The following POM121 variants were observed in gnomAD, a reference collection of about 807,000 sequenced individuals.
POM121 encodes nuclear envelope pore membrane protein POM 121.
In POM121, 32 loss-of-function variants were observed where a neutral mutation model predicts 81.3. That is an observed-to-expected ratio of 0.39 (90% CI 0.30 to 0.53). The LOEUF is 0.53. Among genes scored for constraint, POM121 ranks in the 20% least tolerant of loss-of-function variants. The pLI is 0.66. For synonymous variants in POM121, 514 were observed against 694.2 expected (o/e 0.74, Z 4.08); for missense variants, 1,138 against 1,614.6 (o/e 0.70, Z 5.06).
At chr7:72,949,009 C>T (rs148249665), downstream of POM121, 427 of 1,611,596 alleles carry the variant, frequency 2.6e-4, 11 homozygotes, top group African/African-American at 5.0e-3. Flanking sequence ...GAGCGCGTGG[C>T]ACAGGGCTCG....
At chr7:72,903,854 T>G (rs1792957734) in intron 3 of POM121, among the ~76,000 whole-genome samples, 2 of 152,228 alleles carry the variant, frequency 1.3e-5, no homozygotes, top group Admixed American at 1.3e-4. Flanking sequence ...CGATCTCGGC[T>G]CACTGCAGCC....
chr7:72,882,227 A>T (rs545424583), intron 1 of POM121, among the ~76,000 whole-genome samples: 3 of 152,330 alleles, frequency 2.0e-5, no homozygotes, highest in Admixed American at 6.5e-5. Context: ...CATAGGAAGC[A>T]TGGCTGAGGG....
At chr7:72,924,916 C>A (rs1554496703), upstream of POM121, 11 of 883,616 alleles carry the variant, frequency 1.2e-5, no homozygotes, top group East Asian at 3.4e-4. Context: ...ATGGATGTGG[C>A]GCTGGGAGCC....
upstream of POM121, among the ~76,000 whole-genome samples, chr7:72,924,150 G>T (rs1554496565): frequency 1.4e-5 from 2 of 147,730 alleles, no homozygotes; most frequent in Non-Finnish European, 3.0e-5. Flanking sequence ...GTTTCACCAT[G>T]TTAGCCAGGA....
rs1362304198 is a variant in POM121 at position 72,891,074 on chromosome 7, A to G, written c.-252A>G. 4.7e-6 allele frequency: 5 copies of G among 1,069,470 alleles called. No individual in the cohort carries two copies. The African/African-American group carries it at 4.7e-5, about 10-fold the overall frequency. The allele number at this position is 1,069,470 out of a possible 1,614,324, so 66.2% of individuals were successfully genotyped here. A position where few individuals can be genotyped will look rare whatever the true frequency, so the allele number is the denominator to read the frequency against. On this transcript the variant is annotated 5_prime_UTR_variant, in exon 3 of 16. Coordinates refer to the POM121 transcript ENST00000395270. ...GTTGGAGCAGGGAGAGGAGCTGTGG[A>G]TAACGGGAGGTGAATTTCCATGTCA...
At position 72,946,566 on chromosome 7, in the gene POM121, C is replaced by T; in HGVS notation, c.*332C>T. 5.7e-6 allele frequency: 6 copies of T among 1,060,150 alleles called. No homozygotes were observed. Among genetic ancestry groups the T allele is most frequent in the Non-Finnish European group, 6.8e-6 (6 of 878,560 alleles). The allele number at this position is 1,060,150 out of a possible 1,614,324, so 65.7% of individuals were successfully genotyped here. ...GCACACCCTTAGGCAGGCGCCCCTT[C>T]CACCTTTCCCCGAGACCGTCGTCGC... On this transcript the variant is annotated 3_prime_UTR_variant, in exon 13 of 13. Transcript: ENST00000434423.
At chr7:72,882,720 G>A (rs1554489474) in intron 1 of POM121, among the ~76,000 whole-genome samples, 1 of 152,074 alleles carries the variant, frequency 6.6e-6, no homozygotes, top group African/African-American at 2.4e-5. Flanking sequence ...CTTTTTGTTC[G>A]GGTTGCACAG....
chr7:72,928,585 C>T (rs1236328244), intron 4 of POM121, 120 bp downstream of exon 4: 3 of 1,238,006 alleles, frequency 2.4e-6, no homozygotes, highest in African/African-American at 3.0e-5. Flanking sequence ...AGGTTCACGT[C>T]TTTGAAATTA....
intron 4 of POM121, among the ~76,000 whole-genome samples, chr7:72,914,410 A>G (rs1794097623): frequency 6.6e-6 from 1 of 151,418 alleles, no homozygotes; most frequent in African/African-American, 2.4e-5. Context: ...TTTTGCCACT[A>G]TGTTTTGGAT....
chr7:72,944,932 G>A (rs1554502810), intron 11 of POM121, among the ~76,000 whole-genome samples: 1 of 152,142 alleles, frequency 6.6e-6, no homozygotes, highest in East Asian at 1.9e-4. Context: ...GGAGTGACCT[G>A]GCAGTTGACA....
At chr7:72,909,280 T>C (rs1348601310) in intron 3 of POM121, among the ~76,000 whole-genome samples, 1 of 152,206 alleles carries the variant, frequency 6.6e-6, no homozygotes, top group Admixed American at 6.5e-5. Context: ...AGATAGCTCA[T>C]CTAAAATCCC....
chr7:72,898,525 G>A (rs1266144725), intron 3 of POM121, among the ~76,000 whole-genome samples: 3 of 152,100 alleles, frequency 2.0e-5, no homozygotes, highest in African/African-American at 7.2e-5. Flanking sequence ...AGTCAGGCGT[G>A]TTGGCTCACG....
In POM121 at chr7:72,943,377, C is replaced by G. The variant is rs559574253; in HGVS notation, c.3384C>G (p.Ser1128Arg). The G allele has an allele frequency of 5.6e-6, 9 of 1,613,258 alleles. No individual in the cohort carries two copies. The Admixed American group carries it at 1.3e-4, about 24-fold the overall frequency. ...PGSSTTTGAF[S>R]FGAGQSGSTA... is the part of the protein sequence containing the mutation. ...CCAGCACCACCACCGGAGCTTTCAG[C>G]TTTGGAGCAGGACAGAGTGGGAGCA... Residue 1128 changes from serine (S) to arginine (R), a missense_variant, in exon 11 of 13, where the codon AGC (serine) becomes AGG (arginine). By Grantham distance (110) the Ser-to-Arg change is moderately radical. Around this residue, in one of 7 missense-constraint regions of POM121, gnomAD observed 336 missense variants for 344.3 expected, o/e 0.98. Coordinates refer to ENST00000434423, the MANE Select transcript of POM121 (RefSeq NM_001387691.1).
At chr7:72,920,490 A>G (rs1431897779), upstream of POM121, among the ~76,000 whole-genome samples, 1 of 151,716 alleles carries the variant, frequency 6.6e-6, no homozygotes, top group African/African-American at 2.4e-5. Flanking sequence ...CTGGGACTAC[A>G]GGCACCAGTC....
At chr7:72,938,305 C>A (rs1796718404) in intron 5 of POM121, among the ~76,000 whole-genome samples, 1 of 151,550 alleles carries the variant, frequency 6.6e-6, no homozygotes, top group Non-Finnish European at 1.5e-5. Flanking sequence ...CAGCTCACTG[C>A]AGCATCCTGA....
chr7:72,902,353 C>T (rs1371149988), intron 3 of POM121, among the ~76,000 whole-genome samples: 2 of 147,574 alleles, frequency 1.4e-5, no homozygotes, highest in Non-Finnish European at 3.0e-5. Flanking sequence ...ACCTCTGCCT[C>T]CTGGGTTCAA....
intron 2 of POM121, chr7:72,890,758 G>A: frequency 6.2e-7 from 1 of 1,600,306 alleles, no homozygotes; most frequent in Non-Finnish European, 8.5e-7. Flanking sequence ...CCCTGGGTGA[G>A]GATAGCTTGC....
downstream of POM121, chr7:72,949,395 C>T (rs374730523): frequency 1.8e-6 from 2 of 1,122,600 alleles, no homozygotes; most frequent in Admixed American, 1.7e-5. Flanking sequence ...CCAGGAAGTC[C>T]TCCTCAGCCA....
exon 1 of POM121, chr7:72,879,814 C>A: frequency 2.0e-6 from 1 of 502,336 alleles, no homozygotes; most frequent in South Asian, 1.4e-5. Flanking sequence ...CGAGCAGACG[C>A]GCGCGCCAGC....
Sources: allele counts gnomAD v4.1 joint callset (sites outside exome capture counted in the v4.1 genomes callset), GRCh38; gene constraint gnomAD v4.1.1; regional missense constraint gnomAD v4.1.1; transcripts MANE v1.5; gene names NCBI Gene and HGNC (gene_info 2026-07-23, HGNC 2026-07-21).